The following MGAM2 variants were observed in gnomAD, a reference collection of about 807,000 sequenced individuals.
MGAM2 encodes the protein probable maltase-glucoamylase 2.
In MGAM2, 98 loss-of-function variants were observed where a neutral mutation model predicts 96.1. That is an observed-to-expected ratio of 1.02 (90% CI 0.87 to 1.21). The LOEUF (loss-of-function observed/expected upper bound fraction) is 1.21. Among genes scored for constraint, MGAM2 ranks in the 50% most tolerant of loss-of-function variants. The pLI is 0.00. For missense variants in MGAM2, 2,055 were observed against 1,182.4 expected (o/e 1.74, Z -10.82); for synonymous variants, 749 against 414.8 (o/e 1.81, Z -9.79).
intron 10 of MGAM2, 22 bp from the exon 11 acceptor site, chr7:142,140,780 A>G: frequency 1.4e-6 from 1 of 698,172 alleles, no homozygotes; most frequent in South Asian, 1.5e-5. Context: ...CTAGGTTCTG[A>G]TTGACCAGAG....
At position 142,128,905 on chromosome 7, in the gene MGAM2, GA is replaced by G. The variant is rs534505554; in HGVS notation, c.187-2041del. Among the ~76,000 whole-genome samples, 287 of 140,378 alleles carry G rather than the reference GA, an allele frequency of 2.0e-3. 3 individuals are homozygous for G. Among genetic ancestry groups the G allele is most frequent in the Non-Finnish European group, 6.4e-4 (41 of 64,144 alleles). 92.1% of individuals were successfully genotyped at this position (140,378 alleles called of 152,430 possible). ...GGGGCGCAGCCTAGTGAAGTTGGGA[GA>G]AGAGGGCCACTGTCCTCCAGCCCCC... is the stretch of plus-strand genomic sequence containing the variant. On this transcript the variant is annotated intron_variant, in intron 3 of 47. Transcript: ENST00000477922.
At chr7:142,113,715 C>A (rs1817253723) in intron 1 of MGAM2, among the ~76,000 whole-genome samples, 1 of 151,988 alleles carries the variant, frequency 6.6e-6, no homozygotes, top group African/African-American at 2.4e-5. Context: ...AATCCCTGGG[C>A]TAGAAATACA....
chr7:142,122,829 TTTGTTGTTG>T (rs373547630), intron 3 of MGAM2, among the ~76,000 whole-genome samples: 1 of 152,018 alleles, frequency 6.6e-6, no homozygotes, highest in African/African-American at 2.4e-5. Context: ...TAAATATGTT[TTTGTTGTTG>T]TTGTTGTTGT....
In MGAM2 at chr7:142,148,947, C is replaced by T. The variant is rs965525742; in HGVS notation, c.1634+1374C>T. Reference sequence around the variant, plus strand: ...AGTCCTTAAGATACTGCTCTGCTGGCTTGGTGCGGTGGCTTACGTCTGTAA... The same window carrying T: ...AGTCCTTAAGATACTGCTCTGCTGGTTTGGTGCGGTGGCTTACGTCTGTAA... On this transcript the variant is annotated intron_variant, in intron 15 of 47. Transcript: ENST00000477922. The surrounding 1 kb of genome is among the most constrained non-coding windows in gnomAD (Gnocchi z 4.2). 6.6e-6 allele frequency among the ~76,000 whole-genome samples: 1 copy of T among 152,128 alleles called. No individual in the cohort carries two copies. The highest frequency in any genetic ancestry group is 1.5e-5 in the Non-Finnish European group (1 of 68,034).
chr7:142,183,001 C>T (rs1472269400), intron 32 of MGAM2, among the ~76,000 whole-genome samples: 7 of 152,152 alleles, frequency 4.6e-5, no homozygotes, highest in Admixed American at 4.6e-4. Flanking sequence ...GGCACAGATT[C>T]TTATACCCTT....
chr7:142,158,343 C>A lies in MGAM2; in HGVS notation c.2163+11C>A. The A allele has an allele frequency of 1.4e-6, 1 of 702,884 alleles. No homozygotes were observed. The allele number at this position is 702,884 out of a possible 1,614,324, so 43.5% of individuals were successfully genotyped here. A position where few individuals can be genotyped will look rare whatever the true frequency, so the allele number is the denominator to read the frequency against. ...CCTGTTTTATATGAAGTATGTTTAT[C>A]ATCTAAACAATGAAAGGGGGTATTG... On this transcript the variant is annotated intron_variant, in intron 19 of 47. Coordinates refer to ENST00000477922, the MANE Select transcript of MGAM2 (RefSeq NM_001293626.2).
At chr7:142,202,174 G>T (rs1797256729) in intron 45 of MGAM2, among the ~76,000 whole-genome samples, 1 of 152,186 alleles carries the variant, frequency 6.6e-6, no homozygotes, top group African/African-American at 2.4e-5. Context: ...GATCCTGGAA[G>T]GAAGGATCAG....
intron 17 of MGAM2, among the ~76,000 whole-genome samples, chr7:142,156,272 A>G (rs1795734491): frequency 6.6e-6 from 1 of 152,150 alleles, no homozygotes; most frequent in East Asian, 1.9e-4. Context: ...TATCATTTCA[A>G]CCTGTGTTTA....
intron 45 of MGAM2, among the ~76,000 whole-genome samples, chr7:142,201,071 C>CTTTTTTTCTTTTTTTTT (rs1797209807): frequency 3.6e-5 from 3 of 84,380 alleles, no homozygotes; most frequent in African/African-American, 1.6e-4. Flanking sequence ...CATCCTTTTT[C>CTTTTTTTCTTTTTTTTT]TTTTTTTTTT....
rs768193817 is a variant in MGAM2 at position 142,166,076 on chromosome 7, C to T, written c.2653-22C>T. The T allele has an allele frequency of 2.7e-5, 18 of 669,334 alleles. 1 individual carries two copies. The South Asian group carries it at 3.0e-4, about 11-fold the overall frequency. 41.5% of individuals were successfully genotyped at this position (669,334 alleles called of 1,614,324 possible). On this transcript the variant is annotated intron_variant, in intron 24 of 47. Transcript: ENST00000477922. ...TGGCTTTCCCTCCCTTCCTTTGTCA[C>T]TGTGACTGTCTCTTTCCCCAGGTGG...
In MGAM2 at chr7:142,197,748, T is replaced by A. The variant is rs1444720159; in HGVS notation, c.4866+20T>A. 4.3e-6 allele frequency: 3 copies of A among 702,814 alleles called. No individual in the cohort carries two copies. Among genetic ancestry groups the A allele is most frequent in the Admixed American group, 4.0e-5 (2 of 49,994 alleles). The allele number at this position is 702,814 out of a possible 1,614,324, so 43.5% of individuals were successfully genotyped here. ...GAAACTGTGAGTTCTTCATTGTAGG[T>A]CAGAAAACCTTCAATCACATGATCT... On this transcript the variant is annotated intron_variant, in intron 42 of 47. Coordinates refer to ENST00000477922, the MANE Select transcript of MGAM2 (RefSeq NM_001293626.2).
At position 142,187,925 on chromosome 7, in the gene MGAM2, A is replaced by G. The variant is rs112326869; in HGVS notation, c.4207+91A>G. The G allele has an allele frequency of 4.1e-3, 2,666 of 644,978 alleles. 56 individuals are homozygous for G. In the African/African-American group the frequency reaches 0.042, roughly 10 times the overall value. The allele number at this position is 644,978 out of a possible 1,614,324, so 40.0% of individuals were successfully genotyped here. On this transcript the variant is annotated intron_variant, in intron 36 of 47. Transcript: ENST00000477922. ...CTGTCAAAGTGAAGCCTAATGTTGA[A>G]GACAGAAACCATTCTCCAACATGAC...
intron 6 of MGAM2, among the ~76,000 whole-genome samples, chr7:142,132,751 A>G (rs1386209517): frequency 7.9e-6 from 1 of 125,856 alleles, no homozygotes; most frequent in African/African-American, 3.2e-5. Flanking sequence ...ATAACATATA[A>G]TATATAATAT....
rs1797929677 is a variant in MGAM2 at position 142,221,576 on chromosome 7, T to C, written c.7065T>C (p.Asp2355=). Residue 2355 remains aspartate, a synonymous_variant, in exon 48 of 48, where the codon GAT becomes GAC. Coordinates refer to ENST00000477922, the MANE Select transcript of MGAM2 (RefSeq NM_001293626.2). ...TLDTKSTMVI[D]ATVTTTSTKD... is the part of the protein sequence containing the mutation. ...ATACAAAAAGTACCATGGTAATAGA[T>C]GCTACGGTCACTACTACCAGCACCA... The C allele has an allele frequency of 1.9e-6, 1 of 529,906 alleles. No individual in the cohort carries two copies. Among genetic ancestry groups the C allele is most frequent in the African/African-American group, 1.9e-5 (1 of 52,644 alleles). The allele number at this position is 529,906 out of a possible 1,614,324, so 32.8% of individuals were successfully genotyped here. A position where few individuals can be genotyped will look rare whatever the true frequency, so the allele number is the denominator to read the frequency against.
intron 13 of MGAM2, among the ~76,000 whole-genome samples, chr7:142,144,503 A>G (rs1177827674): frequency 6.6e-6 from 1 of 152,244 alleles, no homozygotes; most frequent in Non-Finnish European, 1.5e-5. Flanking sequence ...AACAATAGAA[A>G]TGTTAGTTTA....
chr7:142,201,405 C>A (rs1162668489), intron 45 of MGAM2, among the ~76,000 whole-genome samples: 2 of 152,104 alleles, frequency 1.3e-5, no homozygotes, highest in Middle Eastern at 3.2e-3. Context: ...CCATTGTTTC[C>A]ATTTTAGATT....
At chr7:142,137,655 T>C (rs549734884) in intron 9 of MGAM2, 110 bp downstream of exon 9, 2 of 465,590 alleles carry the variant, frequency 4.3e-6, no homozygotes, top group African/African-American at 4.0e-5. Flanking sequence ...GGATTATAAA[T>C]GCTGGGATAG....
intron 7 of MGAM2, among the ~76,000 whole-genome samples, chr7:142,135,396 T>G (rs1035805372): frequency 7.9e-5 from 12 of 152,192 alleles, no homozygotes; most frequent in Non-Finnish European, 1.5e-4. Flanking sequence ...ATGTAATGCC[T>G]TCCTGTTTTT....
At chr7:142,141,419 A>C (rs143121106) in intron 12 of MGAM2, among the ~76,000 whole-genome samples, 37 of 152,298 alleles carry the variant, frequency 2.4e-4, no homozygotes, top group East Asian at 1.2e-3. Flanking sequence ...AAGACAATAA[A>C]TTCAACTACA....
Sources: allele counts gnomAD v4.1 joint callset (sites outside exome capture counted in the v4.1 genomes callset), GRCh38; gene constraint gnomAD v4.1.1; non-coding constraint Gnocchi (gnomAD v3.1); transcripts MANE v1.5; gene names NCBI Gene and HGNC (gene_info 2026-07-23, HGNC 2026-07-21).